Variants in ANO10 observed in about 807,000 individuals in gnomAD.
ANO10 encodes anoctamin-10.
A neutral mutation model predicts 74.7 loss-of-function variants in ANO10; 77 were observed. The observed-to-expected ratio is 1.03, with a 90% CI of 0.86 to 1.25. The LOEUF is 1.25. Ranked by LOEUF, ANO10 falls within the 50% of genes most tolerant of loss-of-function variation. The pLI is 0.00. For synonymous variants in ANO10, 279 were observed against 284.9 expected, an observed-to-expected ratio of 0.98 and a Z score of 0.21; for missense variants, 721 against 778.1, an observed-to-expected ratio of 0.93 and a Z score of 0.87.
intron 11 of ANO10, among the ~76,000 whole-genome samples, chr3:43,545,962 G>C (rs1046816858): frequency 6.6e-6 from 1 of 152,072 alleles, no homozygotes; most frequent in Non-Finnish European, 1.5e-5. Context: ...TTCATTACAA[G>C]ACCAGATGGC....
At chr3:43,471,860 G>A (rs755984776) in intron 11 of ANO10, among the ~76,000 whole-genome samples, 1 of 152,126 alleles carries the variant, frequency 6.6e-6, no homozygotes, top group Non-Finnish European at 1.5e-5. Context: ...CAGGCAAGCT[G>A]ACCTTGCCTC....
At chr3:43,669,485 C>T (rs1036108904) in intron 1 of ANO10, among the ~76,000 whole-genome samples, 2 of 152,156 alleles carry the variant, frequency 1.3e-5, no homozygotes, top group African/African-American at 4.8e-5. Flanking sequence ...ACTCTGATTC[C>T]TGCAGAGGTT....
chr3:43,620,758 C>T (rs1273741579), intron 1 of ANO10, among the ~76,000 whole-genome samples: 1 of 152,134 alleles, frequency 6.6e-6, no homozygotes, highest in African/African-American at 2.4e-5. Context: ...GAGCAAGACT[C>T]CGTCTCAAAA....
chr3:43,547,669 G>A (rs1037388124), intron 11 of ANO10, among the ~76,000 whole-genome samples: 5 of 152,156 alleles, frequency 3.3e-5, no homozygotes, highest in East Asian at 1.9e-4. Context: ...TAAGTGAATC[G>A]AGTGAGGATT....
At chr3:43,462,624 GA>G (rs1457006403) in intron 11 of ANO10, among the ~76,000 whole-genome samples, 1 of 152,222 alleles carries the variant, frequency 6.6e-6, no homozygotes, top group Non-Finnish European at 1.5e-5. Context: ...ATTTTCTGAG[GA>G]GAAATTCAAG....
intron 1 of ANO10, among the ~76,000 whole-genome samples, chr3:43,672,402 A>G (rs1295858244): frequency 6.6e-6 from 1 of 152,102 alleles, no homozygotes; most frequent in Non-Finnish European, 1.5e-5. Context: ...GGCCTGGTGC[A>G]TGCCTGCTCT....
At chr3:43,545,822 A>G (rs780426595) in intron 11 of ANO10, among the ~76,000 whole-genome samples, 3 of 152,356 alleles carry the variant, frequency 2.0e-5, no homozygotes, top group African/African-American at 4.8e-5. Flanking sequence ...TCTAATTATC[A>G]TATCTATCAC....
rs146194252 is a variant in ANO10 at position 43,596,209 on chromosome 3, T to C, written c.472+2323A>G. 3.1e-3 allele frequency among the ~76,000 whole-genome samples: 477 copies of C among 152,306 alleles called. 5 individuals carry two copies. Among genetic ancestry groups the C allele is most frequent in the African/African-American group, 0.011 (444 of 41,564 alleles). On this transcript the variant is annotated intron_variant, in intron 4 of 12. Coordinates refer to ENST00000292246, the MANE Select transcript of ANO10 (RefSeq NM_018075.5). ...TGCCCGAGGTAATTTATAGATTCAA[T>C]GCCATCCCCATCAAGCTACCAATGA...
chr3:43,639,730 C>T (rs1210267766), intron 1 of ANO10, among the ~76,000 whole-genome samples: 10 of 150,068 alleles, frequency 6.7e-5, no homozygotes, highest in African/African-American at 2.5e-4. Context: ...GAGCTGAGAT[C>T]GCACCACAGC....
At chr3:43,681,891 G>T (rs1164792450) in intron 1 of ANO10, among the ~76,000 whole-genome samples, 2 of 152,156 alleles carry the variant, frequency 1.3e-5, no homozygotes, top group African/African-American at 4.8e-5. Context: ...TGAGAACAAA[G>T]ACACAACATA....
chr3:43,414,967 C>CA (rs1181572896), intron 12 of ANO10, among the ~76,000 whole-genome samples: 1 of 66,594 alleles, frequency 1.5e-5, no homozygotes, highest in African/African-American at 6.3e-5. Flanking sequence ...TGTCATTGTG[C>CA]TTTTTTTTTT....
intron 2 of ANO10, 37 bp from the exon 3 acceptor site, chr3:43,600,618 C>T (rs747014619): frequency 6.5e-7 from 1 of 1,540,148 alleles, no homozygotes; most frequent in Non-Finnish European, 9.0e-7. Flanking sequence ...CTTAGACAAA[C>T]ATAAAAGTTT....
chr3:43,582,350 G>A (rs2081299770), intron 4 of ANO10, among the ~76,000 whole-genome samples: 1 of 152,156 alleles, frequency 6.6e-6, no homozygotes, highest in Non-Finnish European at 1.5e-5. Flanking sequence ...TACTCGGGAA[G>A]CTGAGACAGG....
chr3:43,559,346 G>C (rs777975325), intron 9 of ANO10, among the ~76,000 whole-genome samples: 1 of 152,178 alleles, frequency 6.6e-6, no homozygotes, highest in Non-Finnish European at 1.5e-5. Flanking sequence ...CGTGTTTTGG[G>C]TACTTCAGGA....
intron 12 of ANO10, among the ~76,000 whole-genome samples, chr3:43,395,035 AG>A (rs1460358565): frequency 5.3e-5 from 8 of 152,148 alleles, no homozygotes. Context: ...TAGTGAAGAA[AG>A]GGTACAAGGT....
At chr3:43,641,554 A>G (rs1013414031) in intron 1 of ANO10, among the ~76,000 whole-genome samples, 2 of 152,244 alleles carry the variant, frequency 1.3e-5, no homozygotes, top group African/African-American at 2.4e-5. Flanking sequence ...TTCTCCACCC[A>G]TTGCAGCCAC....
At chr3:43,527,410 T>C (rs1195324679) in intron 11 of ANO10, among the ~76,000 whole-genome samples, 1 of 152,180 alleles carries the variant, frequency 6.6e-6, no homozygotes, top group Non-Finnish European at 1.5e-5. Flanking sequence ...TTAGTTCATA[T>C]ATAAATATAT....
At chr3:43,577,903 A>C (rs1041751296) in intron 5 of ANO10, among the ~76,000 whole-genome samples, 2 of 152,192 alleles carry the variant, frequency 1.3e-5, no homozygotes, top group Non-Finnish European at 2.9e-5. Flanking sequence ...CATGACTGCT[A>C]ATGTTCTGTG....
intron 11 of ANO10, among the ~76,000 whole-genome samples, chr3:43,513,552 C>T (rs867604645): frequency 3.9e-5 from 6 of 152,146 alleles, no homozygotes; most frequent in Admixed American, 6.6e-5. Context: ...CTCTCTCGCC[C>T]AGGCTGGAGT....
Sources: allele counts gnomAD v4.1 joint callset (sites outside exome capture counted in the v4.1 genomes callset), GRCh38; gene constraint gnomAD v4.1.1; transcripts MANE v1.5; gene names NCBI Gene and HGNC (gene_info 2026-07-23, HGNC 2026-07-21).